Variants in SDK2 observed in about 807,000 individuals in gnomAD.
The protein encoded by SDK2 is protein sidekick-2.
In SDK2, 105 loss-of-function variants were observed where a neutral mutation model predicts 253.9. The observed-to-expected ratio is 0.41, with a 90% CI of 0.35 to 0.49. The LOEUF is 0.49. SDK2 is among the 20% of genes least tolerant of loss of function. The probability of loss-of-function intolerance (pLI) is 0.06; values close to 1 mark genes in which losing one functional copy is unlikely to be tolerated. For synonymous variants in SDK2, 1,249 were observed against 1,234.9 expected, an observed-to-expected ratio of 1.01 and a Z score of -0.24; for missense variants, 2,608 against 3,003.0, an observed-to-expected ratio of 0.87 and a Z score of 3.07.
At position 73,573,930 on chromosome 17, in the gene SDK2, C is replaced by T. The variant is rs142302919; in HGVS notation, c.65-66333G>A. The stretch of plus-strand genomic sequence containing the variant: ...CCTTGCTCTCAGGGGCCCTGGGCTC[C>T]GCCGTCTCTGCCCCCTTCCAAATGT... On this transcript the variant is annotated intron_variant, in intron 1 of 44. Transcript: ENST00000392650. Among the ~76,000 whole-genome samples, 118 of 152,330 alleles carry T rather than the reference C, an allele frequency of 7.7e-4. 1 individual carries two copies. In the East Asian group the frequency reaches 0.021, roughly 27 times the overall value.
chr17:73,624,920 G>A (rs1442557931), intron 1 of SDK2, among the ~76,000 whole-genome samples: 1 of 152,200 alleles, frequency 6.6e-6, no homozygotes, highest in Non-Finnish European at 1.5e-5. Context: ...AGCCTTGCAG[G>A]ATTTTCCTAA....
At position 73,611,581 on chromosome 17, in the gene SDK2, G is replaced by A. The variant is rs184709459; in HGVS notation, c.64+32444C>T. Reference sequence around the variant, plus strand: ...TCTGCTCACATGGTAAGTGGAATGAGCACGGCCTCATGGAGGCCTGAGTTT... The same window carrying A: ...TCTGCTCACATGGTAAGTGGAATGAACACGGCCTCATGGAGGCCTGAGTTT... On this transcript the variant is annotated intron_variant, in intron 1 of 44. Coordinates refer to ENST00000392650, the MANE Select transcript of SDK2 (RefSeq NM_001144952.2). Among the ~76,000 whole-genome samples, 199 of 152,376 alleles carry A rather than the reference G, an allele frequency of 1.3e-3. 2 individuals carry two copies. The highest frequency in any genetic ancestry group is 4.3e-3 in the African/African-American group (180 of 41,600).
At chr17:73,637,776 A>G (rs1214915135) in intron 1 of SDK2, among the ~76,000 whole-genome samples, 1 of 152,220 alleles carries the variant, frequency 6.6e-6, no homozygotes, top group Admixed American at 6.5e-5. Context: ...TATGAATGGC[A>G]TTACCCCCTA....
chr17:73,638,873 G>A (rs1232145142), intron 1 of SDK2, among the ~76,000 whole-genome samples: 3 of 146,712 alleles, frequency 2.0e-5, no homozygotes, highest in African/African-American at 7.6e-5. Flanking sequence ...ACAGTGGCAC[G>A]ATCTCAGCTC....
chr17:73,566,090 G>A (rs1348348057), intron 1 of SDK2, among the ~76,000 whole-genome samples: 2 of 152,112 alleles, frequency 1.3e-5, no homozygotes, highest in Non-Finnish European at 2.9e-5. Flanking sequence ...CAAAGTCCTG[G>A]GATTACAGGC....
In SDK2 at chr17:73,395,442, G is replaced by A. The variant is rs766972117; in HGVS notation, c.3355-50C>T. On this transcript the variant is annotated intron_variant, in intron 24 of 44. Transcript: ENST00000392650. The surrounding 1 kb of genome is among the most constrained non-coding windows in gnomAD (Gnocchi z 4.3). ...GCTGCTATGAGCCAGGCCCCCCACT[G>A]TGCAGGGAGGAACTGCCCTGCTACC... 23 of 1,495,674 alleles carry A rather than the reference G, an allele frequency of 1.5e-5. No individual in the cohort carries two copies. The highest frequency in any genetic ancestry group is 1.4e-4 in the South Asian group (12 of 87,596). The allele number at this position is 1,495,674 out of a possible 1,614,324, so 92.7% of individuals were successfully genotyped here. A position where few individuals can be genotyped will look rare whatever the true frequency, so the allele number is the denominator to read the frequency against.
chr17:73,610,322 A>G (rs2045957948), intron 1 of SDK2, among the ~76,000 whole-genome samples: 1 of 151,992 alleles, frequency 6.6e-6, no homozygotes, highest in Admixed American at 6.6e-5. Flanking sequence ...CACTTAGGGC[A>G]CCCCGAAATG....
At chr17:73,371,858 G>A (rs1272847523) in intron 36 of SDK2, among the ~76,000 whole-genome samples, 1 of 152,038 alleles carries the variant, frequency 6.6e-6, no homozygotes, top group East Asian at 1.9e-4. Flanking sequence ...TACTCAGGAG[G>A]CTGAGGCAGG....
chr17:73,393,779 T>C, intron 26 of SDK2, 30 bp from the exon 27 acceptor site: 3 of 1,499,862 alleles, frequency 2.0e-6, no homozygotes, highest in Admixed American at 1.9e-5. Context: ...GGTGAGGGCC[T>C]CAGGCCTGCA....
chr17:73,365,437 G>C (rs11655063), intron 37 of SDK2, 42 bp from the exon 38 acceptor site: 86,112 of 1,548,938 alleles, frequency 0.056, 2,809 homozygotes, highest in Non-Finnish European at 0.066. Flanking sequence ...TTCTTCTGTG[G>C]AAGTTCAAAG....
intron 18 of SDK2, among the ~76,000 whole-genome samples, chr17:73,405,569 T>C (rs1360201368): frequency 7.2e-6 from 1 of 139,164 alleles, no homozygotes; most frequent in Non-Finnish European, 1.5e-5. Flanking sequence ...AAGGAGAGCA[T>C]ACACATTTAT....
At chr17:73,418,010 G>GGTTT (rs775751694) in intron 16 of SDK2, among the ~76,000 whole-genome samples, 2 of 128,240 alleles carry the variant, frequency 1.6e-5, no homozygotes, top group Admixed American at 9.0e-5. Flanking sequence ...TCCTAGATGA[G>GGTTT]TTTTTTTTTT....
chr17:73,374,528 C>T (rs989843070), intron 36 of SDK2, among the ~76,000 whole-genome samples: 3 of 142,098 alleles, frequency 2.1e-5, no homozygotes, highest in African/African-American at 5.7e-5. Context: ...AGTACAGTGG[C>T]GTGATCTTGG....
Position 73,414,729 on chromosome 17 carries a change from G to A in SDK2, c.2399C>T (p.Ala800Val), listed in dbSNP as rs375995286. The A allele has an allele frequency of 1.2e-5, 20 of 1,613,794 alleles. No individual in the cohort carries two copies. Among genetic ancestry groups the A allele is most frequent in the East Asian group, 8.9e-5 (4 of 44,840 alleles). ...VPTVPPGNVH[A>V]EATNSTTIRF... ...GATGGTCGTGGAATTGGTGGCTTCC[G>A]CGTGCACATTGCCCGGAGGGACCGT... Residue 800 changes from alanine (A) to valine (V), a missense_variant, in exon 18 of 45, where the codon GCG (alanine) becomes GTG (valine). Around this residue, in one of 2 missense-constraint regions of SDK2, gnomAD observed 1,505 missense variants for 1,859.1 expected, o/e 0.81. Coordinates refer to ENST00000392650, the MANE Select transcript of SDK2 (RefSeq NM_001144952.2).
At chr17:73,466,950 G>A (rs2063604644) in intron 3 of SDK2, among the ~76,000 whole-genome samples, 1 of 152,138 alleles carries the variant, frequency 6.6e-6, no homozygotes, top group Non-Finnish European at 1.5e-5. Context: ...GAGAATCCAC[G>A]CTTTCGGACC....
chr17:73,416,330 T>C (rs891083949), intron 16 of SDK2, among the ~76,000 whole-genome samples: 3 of 150,682 alleles, frequency 2.0e-5, no homozygotes, highest in Non-Finnish European at 2.9e-5. Context: ...CCTGAGTAGC[T>C]GGGATTACAG....
At chr17:73,486,610 TAAAA>T (rs34896987) in intron 2 of SDK2, among the ~76,000 whole-genome samples, 1 of 96,452 alleles carries the variant, frequency 1.0e-5, no homozygotes, top group South Asian at 4.0e-4. Flanking sequence ...ACTCTGCTTC[TAAAA>T]AAAAAAAAAA....
intron 5 of SDK2, among the ~76,000 whole-genome samples, chr17:73,445,358 G>A (rs543139441): frequency 1.8e-4 from 28 of 152,336 alleles, no homozygotes; most frequent in African/African-American, 6.0e-4. Context: ...AATTTCGCAT[G>A]TGGTTCACAT....
chr17:73,468,358 C>T (rs59027749), intron 3 of SDK2, among the ~76,000 whole-genome samples: 78,736 of 151,832 alleles, frequency 0.52, 20,619 homozygotes, highest in Middle Eastern at 0.61. Flanking sequence ...TTCCAACGAG[C>T]CTAGGAGGTC....
Sources: allele counts gnomAD v4.1 joint callset (sites outside exome capture counted in the v4.1 genomes callset), GRCh38; gene constraint gnomAD v4.1.1; regional missense constraint gnomAD v4.1.1; non-coding constraint Gnocchi (gnomAD v3.1); transcripts MANE v1.5; gene names NCBI Gene and HGNC (gene_info 2026-07-23, HGNC 2026-07-21).